Variants in CENPW observed in about 807,000 individuals in gnomAD.
The protein encoded by CENPW is centromere protein W.
CENPW carries 3 observed loss-of-function variants against 11.1 expected under a neutral mutation model. The observed-to-expected ratio is 0.27, with a 90% CI of 0.12 to 0.70. The LOEUF (loss-of-function observed/expected upper bound fraction) is 0.70, where lower values mean the gene tolerates loss of function less well. CENPW is among the 30% of genes least tolerant of loss of function. The probability of loss-of-function intolerance (pLI) is 0.77; values close to 1 mark genes in which losing one functional copy is unlikely to be tolerated. For synonymous variants in CENPW, 38 were observed against 42.0 expected (o/e 0.91, Z 0.37); for missense variants, 100 against 105.6 (o/e 0.95, Z 0.23).
At chr6:126,359,738 A>G in the CENPW span, among the ~76,000 whole-genome samples, 2 of 147,694 alleles carry the variant, frequency 1.4e-5, no homozygotes, top group African/African-American at 5.0e-5. Context: ...AAGAATAGCA[A>G]CTCCTGCTTT....
chr6:126,441,115 G>A, the CENPW span, among the ~76,000 whole-genome samples: 1 of 151,500 alleles, frequency 6.6e-6, no homozygotes, highest in East Asian at 2.0e-4. Flanking sequence ...TTGGCAGGTG[G>A]AAGTGAGCAG....
chr6:126,359,310 T>C, the CENPW span, among the ~76,000 whole-genome samples: 8 of 152,096 alleles, frequency 5.3e-5, no homozygotes, highest in African/African-American at 1.9e-4. Flanking sequence ...TTTCTTTTTT[T>C]TTTTAATTTA....
chr6:126,370,663 G>T, the CENPW span, among the ~76,000 whole-genome samples: 4 of 152,046 alleles, frequency 2.6e-5, no homozygotes, highest in Non-Finnish European at 5.9e-5. Flanking sequence ...GAGCTTTTTG[G>T]GAGAGTCTTT....
At chr6:126,350,464 T>C (rs558564392), downstream of CENPW, among the ~76,000 whole-genome samples, 2 of 152,124 alleles carry the variant, frequency 1.3e-5, no homozygotes, top group Non-Finnish European at 2.9e-5. Flanking sequence ...GACATTAATC[T>C]CATTTATGAC....
chr6:126,422,941 G>A, the CENPW span, among the ~76,000 whole-genome samples: 69,009 of 151,944 alleles, frequency 0.45, 17,400 homozygotes, highest in East Asian at 0.97. Flanking sequence ...AGTAACCACA[G>A]TGAATTGTTT....
chr6:126,406,810 C>T, the CENPW span, among the ~76,000 whole-genome samples: 1 of 151,750 alleles, frequency 6.6e-6, no homozygotes, highest in African/African-American at 2.4e-5. Flanking sequence ...CAAGATTGCA[C>T]CACTGCACTC....
chr6:126,381,138 G>T, the CENPW span, among the ~76,000 whole-genome samples: 1 of 152,152 alleles, frequency 6.6e-6, no homozygotes, highest in Non-Finnish European at 1.5e-5. Flanking sequence ...GCCAAATCCT[G>T]TTGCTGTAGT....
At chr6:126,374,938 A>G in the CENPW span, among the ~76,000 whole-genome samples, 3 of 152,334 alleles carry the variant, frequency 2.0e-5, no homozygotes, top group East Asian at 1.9e-4. Flanking sequence ...CTGGAAAAAG[A>G]TAAGTCTTTT....
the CENPW span, among the ~76,000 whole-genome samples, chr6:126,460,474 T>C: frequency 6.6e-6 from 1 of 151,668 alleles, no homozygotes; most frequent in Non-Finnish European, 1.5e-5. Flanking sequence ...ATTCTATCTT[T>C]TTAGCCTCAA....
chr6:126,356,874 C>T, the CENPW span, among the ~76,000 whole-genome samples: 43 of 152,096 alleles, frequency 2.8e-4, no homozygotes, highest in South Asian at 4.2e-3. Flanking sequence ...TCTCCCATTT[C>T]TCCCATTTCT....
chr6:126,397,089 A>C, the CENPW span, among the ~76,000 whole-genome samples: 1 of 152,146 alleles, frequency 6.6e-6, no homozygotes, highest in South Asian at 2.1e-4. Context: ...CTCCAAGTCC[A>C]CTTGACTCCA....
the CENPW span, among the ~76,000 whole-genome samples, chr6:126,379,773 ATGTG>A: frequency 6.6e-6 from 1 of 152,220 alleles, no homozygotes; most frequent in Non-Finnish European, 1.5e-5. Context: ...GAGTCCGAGT[ATGTG>A]TGATTATTCT....
At chr6:126,390,424 A>G in the CENPW span, among the ~76,000 whole-genome samples, 1 of 151,966 alleles carries the variant, frequency 6.6e-6, no homozygotes, top group Non-Finnish European at 1.5e-5. Flanking sequence ...ACAAAGATAA[A>G]TGGGATATCC....
chr6:126,406,269 A>AC, the CENPW span, among the ~76,000 whole-genome samples: 69,248 of 151,814 alleles, frequency 0.46, 17,471 homozygotes, highest in East Asian at 0.97. Flanking sequence ...TAAATGTTAA[A>AC]CATCCTTGCT....
chr6:126,409,587 GT>G, the CENPW span, among the ~76,000 whole-genome samples: 7 of 151,878 alleles, frequency 4.6e-5, no homozygotes, highest in South Asian at 1.5e-3. Flanking sequence ...ATATCCATGT[GT>G]TCTGGTGCTT....
chr6:126,371,997 C>G, the CENPW span, among the ~76,000 whole-genome samples: 1 of 152,144 alleles, frequency 6.6e-6, no homozygotes, highest in East Asian at 1.9e-4. Flanking sequence ...GTTAATCTCA[C>G]AGTGGTCTAT....
At chr6:126,375,037 G>A in the CENPW span, among the ~76,000 whole-genome samples, 36 of 152,254 alleles carry the variant, frequency 2.4e-4, no homozygotes, top group African/African-American at 7.2e-4. Flanking sequence ...TTATGACAAA[G>A]CTTTTATAAT....
the CENPW span, among the ~76,000 whole-genome samples, chr6:126,367,129 A>G: frequency 6.6e-6 from 1 of 152,144 alleles, no homozygotes; most frequent in African/African-American, 2.4e-5. Context: ...TTAAATATTT[A>G]CCAGTGGAAA....
chr6:126,477,462 A>G, the CENPW span, among the ~76,000 whole-genome samples: 1 of 151,990 alleles, frequency 6.6e-6, no homozygotes, highest in East Asian at 1.9e-4. Flanking sequence ...GAAAATGTAT[A>G]ATAGCTCGTT....
Sources: allele counts gnomAD v4.1 joint callset (sites outside exome capture counted in the v4.1 genomes callset), GRCh38; gene constraint gnomAD v4.1.1; transcripts MANE v1.5; gene names NCBI Gene and HGNC (gene_info 2026-07-23, HGNC 2026-07-21).